The following PDE10A variants were observed in gnomAD, a reference collection of about 807,000 sequenced individuals.
PDE10A encodes phosphodiesterase 10A, also known as cAMP and cAMP-inhibited cGMP 3',5'-cyclic phosphodiesterase 10A.
A neutral mutation model predicts 97.7 loss-of-function variants in PDE10A; 39 were observed. That is an observed-to-expected ratio of 0.40 (90% confidence interval 0.31 to 0.52). The LOEUF (loss-of-function observed/expected upper bound fraction) is 0.52. Ranked by LOEUF, PDE10A falls within the 20% of genes least tolerant of loss-of-function variation. The pLI is 0.56. For missense variants in PDE10A, 731 were observed against 1,047.8 expected (o/e 0.70, Z 4.17); for synonymous variants, 371 against 376.8 (o/e 0.98, Z 0.18).
intron 1 of PDE10A, among the ~76,000 whole-genome samples, chr6:165,970,957 G>T (rs1784651494): frequency 6.6e-6 from 1 of 152,148 alleles, no homozygotes; most frequent in Admixed American, 6.5e-5. Context: ...GACCCAGCCT[G>T]GCCAACATGG....
intron 2 of PDE10A, among the ~76,000 whole-genome samples, chr6:165,502,995 T>G (rs1431670803): frequency 6.6e-6 from 1 of 152,296 alleles, no homozygotes; most frequent in South Asian, 2.1e-4. Flanking sequence ...TTATTGTATG[T>G]AAATTATACC....
chr6:165,648,687 C>A (rs1271816451), intron 1 of PDE10A, among the ~76,000 whole-genome samples: 1 of 152,094 alleles, frequency 6.6e-6, no homozygotes, highest in Non-Finnish European at 1.5e-5. Context: ...ATTCAAAAAT[C>A]ATACAGGAAA....
At chr6:165,612,465 T>G (rs1583643388) in intron 1 of PDE10A, among the ~76,000 whole-genome samples, 1 of 151,644 alleles carries the variant, frequency 6.6e-6, no homozygotes, top group African/African-American at 2.4e-5. Flanking sequence ...CAACCTCAGG[T>G]TCAAGCGATT....
At chr6:165,715,349 T>C (rs76430508) in intron 1 of PDE10A, among the ~76,000 whole-genome samples, 1,594 of 152,324 alleles carry the variant, frequency 0.01, 29 homozygotes, top group African/African-American at 0.037. Flanking sequence ...CCATACGCTG[T>C]CCACGCACTC....
intron 1 of PDE10A, among the ~76,000 whole-genome samples, chr6:165,816,123 G>A (rs1374249164): frequency 6.6e-6 from 1 of 151,988 alleles, no homozygotes; most frequent in African/African-American, 2.4e-5. Flanking sequence ...CTAATTTTTT[G>A]TATTTTTAGT....
chr6:165,447,682 C>T (rs1416464805), intron 5 of PDE10A, among the ~76,000 whole-genome samples: 1 of 152,120 alleles, frequency 6.6e-6, no homozygotes, highest in Non-Finnish European at 1.5e-5. Context: ...CGTAGCTTAG[C>T]CATTTTAGAA....
chr6:165,976,097 T>C (rs1276330198), intron 1 of PDE10A, among the ~76,000 whole-genome samples: 2 of 152,226 alleles, frequency 1.3e-5, no homozygotes, highest in Non-Finnish European at 2.9e-5. Flanking sequence ...AAAATTAGCA[T>C]GTTGTCAGTT....
At chr6:165,982,594 T>A (rs1785053046) in intron 1 of PDE10A, among the ~76,000 whole-genome samples, 1 of 152,198 alleles carries the variant, frequency 6.6e-6, no homozygotes, top group Non-Finnish European at 1.5e-5. Flanking sequence ...CAGTATTACT[T>A]CTTCGGTGTA....
intron 1 of PDE10A, chr6:165,949,678 C>T (rs1176709433): frequency 2.6e-5 from 4 of 152,184 alleles, no homozygotes; most frequent in Non-Finnish European, 5.9e-5. Context: ...ATATGATACA[C>T]ATGTTATGCA....
chr6:165,849,176 C>A (rs1309600629), intron 1 of PDE10A, among the ~76,000 whole-genome samples: 1 of 152,150 alleles, frequency 6.6e-6, no homozygotes, highest in Non-Finnish European at 1.5e-5. Context: ...TGAGTTTCAT[C>A]TACTAGATGT....
intron 1 of PDE10A, among the ~76,000 whole-genome samples, chr6:165,547,317 A>G (rs963144746): frequency 6.6e-6 from 1 of 152,164 alleles, no homozygotes; most frequent in Admixed American, 6.5e-5. Flanking sequence ...GTTAAAAGTA[A>G]TAAATGATAG....
chr6:165,923,125 G>A (rs1410868452), intron 1 of PDE10A, among the ~76,000 whole-genome samples: 2 of 152,230 alleles, frequency 1.3e-5, no homozygotes, highest in Non-Finnish European at 2.9e-5. Context: ...GATGGGAGCA[G>A]AGATGAACAA....
intron 2 of PDE10A, among the ~76,000 whole-genome samples, chr6:165,505,813 A>G (rs1454882287): frequency 1.3e-5 from 2 of 152,166 alleles, no homozygotes; most frequent in African/African-American, 4.8e-5. Flanking sequence ...TGATTTCACC[A>G]TGATCAGGCT....
intron 1 of PDE10A, among the ~76,000 whole-genome samples, chr6:165,958,565 GACAGACAGAAAGAAAGACAGAAAGA>G (rs1784236960): frequency 2.1e-4 from 2 of 9,554 alleles, no homozygotes; most frequent in South Asian, 4.0e-3. Flanking sequence ...AAGAAAGAAA[GACAGACAGAAAGAAAGACAGAAAGA>G]GAGAAAGAAA....
chr6:165,632,955 G>GGCA (rs1450742907), intron 1 of PDE10A, among the ~76,000 whole-genome samples: 8 of 151,978 alleles, frequency 5.3e-5, no homozygotes, highest in Non-Finnish European at 7.4e-5. Flanking sequence ...CAATGGAGGG[G>GGCA]GCATGATTAA....
intron 1 of PDE10A, among the ~76,000 whole-genome samples, chr6:165,694,542 G>A (rs1279418663): frequency 1.3e-5 from 2 of 152,020 alleles, no homozygotes; most frequent in Admixed American, 6.5e-5. Context: ...AGGTGGGGCA[G>A]GAGAGCAGCG....
intron 1 of PDE10A, among the ~76,000 whole-genome samples, chr6:165,635,482 T>TGG (rs1307584575): frequency 1.3e-5 from 2 of 152,100 alleles, no homozygotes; most frequent in Non-Finnish European, 1.5e-5. Context: ...AGTGTGTGTG[T>TGG]GTGTGGGTGT....
chr6:165,789,936 G>C (rs1002766587), intron 1 of PDE10A, among the ~76,000 whole-genome samples: 6 of 152,138 alleles, frequency 3.9e-5, no homozygotes, highest in African/African-American at 1.4e-4. Context: ...AGAAAGAGAC[G>C]GGATGGTGTG....
intron 1 of PDE10A, among the ~76,000 whole-genome samples, chr6:165,567,429 T>C (rs9348015): frequency 0.068 from 10,363 of 152,260 alleles, 710 homozygotes; most frequent in East Asian, 0.32. Context: ...TAAAAATACA[T>C]AGCCATGGGC....
Sources: allele counts gnomAD v4.1 joint callset (sites outside exome capture counted in the v4.1 genomes callset), GRCh38; gene constraint gnomAD v4.1.1; transcripts MANE v1.5; gene names NCBI Gene and HGNC (gene_info 2026-07-23, HGNC 2026-07-21).